The following GPBP1 variants were observed in gnomAD, a reference collection of about 807,000 sequenced individuals.
The protein encoded by GPBP1 is vasculin.
In GPBP1, 13 loss-of-function variants were observed where a neutral mutation model predicts 56.5. The ratio of observed to expected loss-of-function variants is 0.23; its 90% confidence interval spans 0.15 to 0.37. GPBP1 has a LOEUF of 0.37. Among genes scored for constraint, GPBP1 ranks in the 10% least tolerant of loss-of-function variants. The pLI, the probability that GPBP1 is intolerant of heterozygous loss-of-function variation, is 1.00. For missense variants in GPBP1, 477 were observed against 572.3 expected (o/e 0.83, Z 1.70); for synonymous variants, 204 against 188.9 (o/e 1.08, Z -0.66).
chr5:57,209,748 C>T (rs533402255), intron 2 of GPBP1, among the ~76,000 whole-genome samples: 18 of 151,868 alleles, frequency 1.2e-4, no homozygotes, highest in South Asian at 2.1e-4. Context: ...TTAAGATGAT[C>T]GTTTGGTATT....
intron 6 of GPBP1, among the ~76,000 whole-genome samples, chr5:57,244,638 C>T (rs189678128): frequency 2.3e-3 from 344 of 151,988 alleles, no homozygotes; most frequent in African/African-American, 8.0e-3. Context: ...ATACTTCATC[C>T]ATGCCATTAT....
chr5:57,208,381 G>T (rs1204198192), intron 2 of GPBP1, among the ~76,000 whole-genome samples: 1 of 151,852 alleles, frequency 6.6e-6, no homozygotes, highest in Non-Finnish European at 1.5e-5. Flanking sequence ...CCACAGGTAC[G>T]AGCCACCATG....
intron 10 of GPBP1, among the ~76,000 whole-genome samples, chr5:57,254,776 GAATT>G (rs1221450004): frequency 6.6e-6 from 1 of 151,676 alleles, no homozygotes; most frequent in Non-Finnish European, 1.5e-5. Flanking sequence ...TTGCATTTGA[GAATT>G]AATTTAGCTA....
chr5:57,234,269 A>G (rs1192612524), intron 5 of GPBP1, among the ~76,000 whole-genome samples: 1 of 152,218 alleles, frequency 6.6e-6, no homozygotes, highest in African/African-American at 2.4e-5. Flanking sequence ...ACCTGATAGA[A>G]TACTGGAAAT....
At position 57,219,419 on chromosome 5, in the gene GPBP1, C is replaced by CCAA. The variant is rs33915420; in HGVS notation, c.63+5226_63+5227insCAA. On this transcript the variant is annotated intron_variant, in intron 3 of 11. Transcript: ENST00000506184. The stretch of plus-strand genomic sequence containing the variant: ...AAAAAAAAAACCAAAAACAAACAAA[C>CCAA]AAAAAAAAAAACAACAAAACCACAC... Among the ~76,000 whole-genome samples the CCAA allele has an allele frequency of 5.0e-4, 34 of 68,056 alleles. 1 individual carries two copies. The highest frequency in any genetic ancestry group is 4.9e-3 in the Admixed American group (26 of 5,334). The allele number at this position is 68,056 out of a possible 152,430, so 44.6% of individuals were successfully genotyped here.
In GPBP1 at chr5:57,263,891, GTT is replaced by G. The variant is rs1328002391; in HGVS notation, c.*1141_*1142del. On this transcript the variant is annotated 3_prime_UTR_variant, in exon 12 of 12. Coordinates refer to ENST00000506184, the MANE Select transcript of GPBP1 (RefSeq NM_022913.4). ...ATTTGTATTTTGATTTTTCTGGTTT[GTT>G]TACCCCCATTTGCTTTTAGCTCCCC... 6.6e-6 allele frequency: 1 copy of G among 152,000 alleles called. No individual in the cohort carries two copies. Among genetic ancestry groups the G allele is most frequent in the East Asian group, 1.9e-4 (1 of 5,198 alleles). The allele number at this position is 152,000 out of a possible 1,614,324, so 9.4% of individuals were successfully genotyped here.
intron 3 of GPBP1, among the ~76,000 whole-genome samples, chr5:57,219,775 G>C (rs936334317): frequency 7.9e-5 from 12 of 152,234 alleles, no homozygotes; most frequent in Non-Finnish European, 1.5e-4. Context: ...CATCTGGGCC[G>C]GGTGCGGTGG....
intron 3 of GPBP1, among the ~76,000 whole-genome samples, chr5:57,218,646 C>A (rs1755800505): frequency 6.6e-6 from 1 of 152,140 alleles, no homozygotes; most frequent in African/African-American, 2.4e-5. Flanking sequence ...GTCTAAGTGA[C>A]TATTAACATA....
chr5:57,208,660 T>C (rs371900511), intron 2 of GPBP1, among the ~76,000 whole-genome samples: 253 of 148,218 alleles, frequency 1.7e-3, no homozygotes, highest in East Asian at 0.01. Context: ...TTTTTCTTTT[T>C]TTTTTTTTTT....
At chr5:57,212,613 A>G (rs1359066205) in intron 2 of GPBP1, among the ~76,000 whole-genome samples, 1 of 151,394 alleles carries the variant, frequency 6.6e-6, no homozygotes, top group Non-Finnish European at 1.5e-5. Context: ...AGTTTTAACT[A>G]GTTGTATTTG....
At chr5:57,237,166 C>T (rs765589392) in intron 6 of GPBP1, 4 of 1,545,254 alleles carry the variant, frequency 2.6e-6, no homozygotes, top group Non-Finnish European at 2.6e-6. Context: ...CCAAGCTCCT[C>T]TCTTAGGTAT....
At position 57,254,893 on chromosome 5, in the gene GPBP1, A is replaced by G. The variant is rs184572519; in HGVS notation, c.1160+3752A>G. Among the ~76,000 whole-genome samples the G allele has an allele frequency of 4.3e-3, 652 of 152,296 alleles. 12 individuals carry two copies. The highest frequency in any genetic ancestry group is 2.5e-3 in the Non-Finnish European group (170 of 68,022). On this transcript the variant is annotated intron_variant, in intron 10 of 11. Coordinates refer to ENST00000506184, the MANE Select transcript of GPBP1 (RefSeq NM_022913.4). ...TGTGAACAGATGAATAAATAACCAC[A>G]CTATTTTTATTGCCTCCCAAATTGT...
intron 10 of GPBP1, among the ~76,000 whole-genome samples, chr5:57,253,584 G>C (rs531812334): frequency 2.4e-4 from 37 of 152,320 alleles, no homozygotes; most frequent in African/African-American, 7.9e-4. Context: ...ACCTAGAATG[G>C]TGCTTGGCAC....
At chr5:57,177,045 C>G (rs1414877972) in intron 2 of GPBP1, among the ~76,000 whole-genome samples, 2 of 152,092 alleles carry the variant, frequency 1.3e-5, no homozygotes, top group Non-Finnish European at 2.9e-5. Flanking sequence ...GAGGGTATTA[C>G]CAGGACCAGA....
chr5:57,217,300 C>T (rs920967086), intron 3 of GPBP1, among the ~76,000 whole-genome samples: 3 of 152,136 alleles, frequency 2.0e-5, no homozygotes, highest in East Asian at 3.9e-4. Context: ...TGCCTGGGTG[C>T]GGTGGCTCAC....
intron 2 of GPBP1, among the ~76,000 whole-genome samples, chr5:57,211,576 T>TTTG (rs71287163): frequency 0.018 from 2,645 of 151,026 alleles, 70 homozygotes; most frequent in African/African-American, 0.06. Flanking sequence ...CTCCGGGGAT[T>TTTG]TTGTTGTTGT....
Position 57,251,019 on chromosome 5 carries a change from C to T in GPBP1, c.1038C>T (p.Asn346=). ...ACCAAGAAAGGGATATAAACCGAAA[C>T]TTCGATGAAAATGAAATTCCTCAAG... ...STHQERDINR[N]FDENEIPQEN... is the part of the protein sequence containing the mutation. Residue 346 remains asparagine (N), a synonymous_variant, in exon 10 of 12, where the codon AAC becomes AAT. Coordinates refer to ENST00000506184, the MANE Select transcript of GPBP1 (RefSeq NM_022913.4). 6.2e-7 allele frequency: 1 copy of T among 1,611,800 alleles called. No homozygotes were observed. Among genetic ancestry groups the T allele is most frequent in the Non-Finnish European group, 8.5e-7 (1 of 1,179,248 alleles).
intron 2 of GPBP1, among the ~76,000 whole-genome samples, chr5:57,195,746 T>A (rs529458550): frequency 2.3e-4 from 35 of 152,186 alleles, no homozygotes; most frequent in Middle Eastern, 3.4e-3. Context: ...TGAGCGCCTG[T>A]AATCCCAACA....
intron 2 of GPBP1, among the ~76,000 whole-genome samples, chr5:57,196,006 ATTTT>A (rs1182189437): frequency 1.5e-5 from 1 of 66,990 alleles, no homozygotes; most frequent in African/African-American, 4.7e-5. Context: ...AAAAAAAAAA[ATTTT>A]TTTTTTTTGT....
Sources: gnomAD v4.1 joint callset for allele counts (sites outside exome capture counted in the v4.1 genomes callset) on GRCh38, gnomAD v4.1.1 for gene constraint, MANE v1.5 for transcripts, NCBI Gene and HGNC (gene_info 2026-07-23, HGNC 2026-07-21) for gene names.